The following ZC3H12C variants were observed in gnomAD, a reference collection of about 807,000 sequenced individuals.
ZC3H12C encodes the protein zinc finger CCCH-type containing 12C, also known as probable ribonuclease ZC3H12C.
ZC3H12C carries 20 observed loss-of-function variants against 76.3 expected under a neutral mutation model. The ratio of observed to expected loss-of-function variants is 0.26; its 90% CI spans 0.18 to 0.38. The LOEUF (loss-of-function observed/expected upper bound fraction) is 0.38, where lower values mean the gene tolerates loss of function less well. ZC3H12C is among the 10% of genes least tolerant of loss of function. The pLI is 1.00. For missense variants in ZC3H12C, 874 were observed against 1,086.5 expected, an observed-to-expected ratio of 0.80 and a Z score of 2.75; for synonymous variants, 352 against 399.6, an observed-to-expected ratio of 0.88 and a Z score of 1.42.
At chr11:110,159,890 G>C (rs546340719) in intron 4 of ZC3H12C, among the ~76,000 whole-genome samples, 1 of 152,366 alleles carries the variant, frequency 6.6e-6, no homozygotes, top group South Asian at 2.1e-4. Context: ...TACGTTCTGA[G>C]AAATTCATCT....
intron 1 of ZC3H12C, among the ~76,000 whole-genome samples, chr11:110,117,704 TTATATATATACACACACACATATA>T (rs1267760272): frequency 1.5e-5 from 2 of 132,376 alleles, no homozygotes; most frequent in South Asian, 2.3e-4. Flanking sequence ...CACATATATA[TTATATATATACACACACACATATA>T]TATATACACA....
In ZC3H12C at chr11:110,169,025, A is replaced by G. The variant is rs750537181; in HGVS notation, c.*3288A>G. The G allele has an allele frequency of 1.3e-5, 2 of 152,156 alleles. No individual in the cohort carries two copies. Among genetic ancestry groups the G allele is most frequent in the Admixed American group, 6.6e-5 (1 of 15,262 alleles). The allele number at this position is 152,156 out of a possible 1,614,324, so 9.4% of individuals were successfully genotyped here. A position where few individuals can be genotyped will look rare whatever the true frequency, so the allele number is the denominator to read the frequency against. On this transcript the variant is annotated 3_prime_UTR_variant, in exon 6 of 6. Coordinates refer to ENST00000278590, the MANE Select transcript of ZC3H12C (RefSeq NM_033390.2). ...TGGCTAACTTTTCTCTAATTAAACT[A>G]TGTTTCTTTGAGTTGTGAACGACCG...
chr11:110,100,328 G>A (rs553384204), intron 1 of ZC3H12C, among the ~76,000 whole-genome samples: 6 of 151,924 alleles, frequency 3.9e-5, no homozygotes, highest in South Asian at 2.1e-4. Flanking sequence ...ACAGGCGTGA[G>A]CCACTATGCC....
In ZC3H12C at chr11:110,165,301, T is replaced by A. The variant is rs769006540; in HGVS notation, c.2216T>A (p.Leu739Gln). The A allele has an allele frequency of 5.0e-6, 8 of 1,613,972 alleles. No homozygotes were observed. The highest frequency in any genetic ancestry group is 5.9e-6 in the Non-Finnish European group (7 of 1,179,856). The change falls in exon 6 of 6, where the codon CTA becomes CAA. Residue 739 changes from leucine to glutamine, a missense_variant. This residue lies in a region of ZC3H12C where 395 missense variants were observed against 434.4 expected (regional missense o/e 0.91). Coordinates refer to ENST00000278590, the MANE Select transcript of ZC3H12C (RefSeq NM_033390.2). ...PSSAHSKAPH[L>Q]GRSLVATRID... ...TCAGCACACTCTAAGGCACCACACC[T>A]AGGGAGGTCCTTGGTGGCCACGAGA...
At chr11:110,152,106 T>C (rs1166585355) in intron 2 of ZC3H12C, among the ~76,000 whole-genome samples, 1 of 152,188 alleles carries the variant, frequency 6.6e-6, no homozygotes, top group Non-Finnish European at 1.5e-5. Flanking sequence ...TGGGAGACTT[T>C]TTCTTCAAAA....
At chr11:110,130,454 A>G (rs1400619433) in intron 1 of ZC3H12C, among the ~76,000 whole-genome samples, 1 of 152,210 alleles carries the variant, frequency 6.6e-6, no homozygotes, top group Non-Finnish European at 1.5e-5. Context: ...TTCCAGGGAA[A>G]TAGTTTGACT....
rs571143989 is a variant in ZC3H12C at position 110,101,011 on chromosome 11, CCAGT to C, written c.21+7580_21+7583del. Among the ~76,000 whole-genome samples the C allele has an allele frequency of 2.0e-4, 31 of 152,250 alleles. No homozygotes were observed. The South Asian group carries it at 3.7e-3, about 18-fold the overall frequency. ...GTTTGAGGAGATTAAAAGTGCTACTCCAGTGAACACACAAATGAAAAGAAAGGGA... is the reference window on the plus strand; with the variant it reads ...GTTTGAGGAGATTAAAAGTGCTACTCGAACACACAAATGAAAAGAAAGGGA... On this transcript the variant is annotated intron_variant, in intron 1 of 5. Transcript: ENST00000278590.
At chr11:110,118,837 A>C (rs1861605981) in intron 1 of ZC3H12C, among the ~76,000 whole-genome samples, 1 of 151,792 alleles carries the variant, frequency 6.6e-6, no homozygotes, top group South Asian at 2.1e-4. Context: ...TTTAAGAAAT[A>C]TATAAGTTCC....
Position 110,103,475 on chromosome 11 carries a change from T to A in ZC3H12C, c.21+10043T>A, listed in dbSNP as rs572169672. 2.0e-5 allele frequency among the ~76,000 whole-genome samples: 3 copies of A among 152,360 alleles called. No individual in the cohort carries two copies. The South Asian group carries it at 6.2e-4, about 32-fold the overall frequency. ...GGTACTAACTTTATGCCAGGTCCAA[T>A]ATTGAGAGCTTTGCTTAAATTATTT... On this transcript the variant is annotated intron_variant, in intron 1 of 5. Coordinates refer to ENST00000278590, the MANE Select transcript of ZC3H12C (RefSeq NM_033390.2).
At chr11:110,159,627 C>A in intron 4 of ZC3H12C, 137 bp downstream of exon 4, 5 of 758,308 alleles carry the variant, frequency 6.6e-6, no homozygotes, top group Non-Finnish European at 1.0e-5. Context: ...CCCACTGATC[C>A]TCAGTGGGAG....
rs1458395154 is a variant in ZC3H12C at position 110,114,696 on chromosome 11, C to T, written c.21+21264C>T. 2.0e-5 allele frequency among the ~76,000 whole-genome samples: 3 copies of T among 152,278 alleles called. No individual in the cohort carries two copies. The East Asian group carries it at 5.8e-4, about 29-fold the overall frequency. On this transcript the variant is annotated intron_variant, in intron 1 of 5. Transcript: ENST00000278590. Reference sequence around the variant, plus strand: ...ATAGAATTTTGAAGTAAAATTTGATCAGCTAGCTCATGTCTCTAAAATGCC... The same window carrying T: ...ATAGAATTTTGAAGTAAAATTTGATTAGCTAGCTCATGTCTCTAAAATGCC...
At chr11:110,159,598 G>T in intron 4 of ZC3H12C, 108 bp downstream of exon 4, 1 of 949,582 alleles carries the variant, frequency 1.1e-6, no homozygotes, top group Admixed American at 2.3e-5. Flanking sequence ...CTTCACACAG[G>T]TTTCTAACAA....
At chr11:110,099,705 G>A (rs567737563) in intron 1 of ZC3H12C, among the ~76,000 whole-genome samples, 3 of 151,546 alleles carry the variant, frequency 2.0e-5, no homozygotes, top group Non-Finnish European at 2.9e-5. Flanking sequence ...CCAACTACTC[G>A]GGAGGCTGTG....
chr11:110,144,775 C>G (rs1862132267), intron 2 of ZC3H12C, among the ~76,000 whole-genome samples: 1 of 151,978 alleles, frequency 6.6e-6, no homozygotes, highest in Non-Finnish European at 1.5e-5. Context: ...TTGTTCTTTT[C>G]TTCACTGCCA....
chr11:110,171,315 CG>C lies in ZC3H12C; in HGVS notation c.*5579del. ...TGCAGAGACAAAGCATTTCACTGCA[CG>C]TGTACCAGGTTATTGATTTTATCTT... On this transcript the variant is annotated 3_prime_UTR_variant, in exon 6 of 6. Transcript: ENST00000278590. The C allele has an allele frequency of 6.6e-6, 1 of 152,274 alleles. No individual in the cohort carries two copies. Among genetic ancestry groups the C allele is most frequent in the Middle Eastern group, 3.4e-3 (1 of 294 alleles). The allele number at this position is 152,274 out of a possible 1,614,324, so 9.4% of individuals were successfully genotyped here.
intron 1 of ZC3H12C, among the ~76,000 whole-genome samples, chr11:110,113,459 C>A (rs1247951643): frequency 6.6e-6 from 1 of 152,070 alleles, no homozygotes; most frequent in East Asian, 1.9e-4. Context: ...GTAAAAAGCA[C>A]ATATTTTACT....
intron 4 of ZC3H12C, among the ~76,000 whole-genome samples, chr11:110,161,366 G>A (rs1862478656): frequency 6.6e-6 from 1 of 152,076 alleles, no homozygotes; most frequent in Non-Finnish European, 1.5e-5. Context: ...GACTGTACCT[G>A]AATTTTTAAA....
chr11:110,114,398 C>A (rs2134156324), intron 1 of ZC3H12C, among the ~76,000 whole-genome samples: 1 of 152,290 alleles, frequency 6.6e-6, no homozygotes, highest in South Asian at 2.1e-4. Context: ...TGCAGGCATC[C>A]CCTGTGTTTT....
chr11:110,110,816 CA>C (rs1467365524), intron 1 of ZC3H12C, among the ~76,000 whole-genome samples: 14 of 152,218 alleles, frequency 9.2e-5, no homozygotes, highest in Non-Finnish European at 2.1e-4. Flanking sequence ...TCTTTGAAGG[CA>C]AATTTGGATT....
Sources: allele counts gnomAD v4.1 joint callset (sites outside exome capture counted in the v4.1 genomes callset), GRCh38; gene constraint gnomAD v4.1.1; regional missense constraint gnomAD v4.1.1; transcripts MANE v1.5; gene names NCBI Gene and HGNC (gene_info 2026-07-23, HGNC 2026-07-21).